Variants in PTPRT observed in about 807,000 individuals in gnomAD.
PTPRT encodes protein tyrosine phosphatase receptor type T, also known as receptor-type tyrosine-protein phosphatase T.
Under a neutral mutation model 176.8 loss-of-function variants are expected in PTPRT, and 56 were observed. The ratio of observed to expected loss-of-function variants is 0.32; its 90% CI spans 0.26 to 0.40. The LOEUF is 0.40. Ranked by LOEUF, PTPRT falls within the 10% of genes least tolerant of loss-of-function variation. The pLI is 1.00. For synonymous variants in PTPRT, 783 were observed against 739.0 expected (o/e 1.06, Z -0.96); for missense variants, 1,540 against 1,908.2 (o/e 0.81, Z 3.60).
intron 11 of PTPRT, among the ~76,000 whole-genome samples, chr20:42,342,224 G>A (rs1415436843): frequency 6.6e-6 from 1 of 152,110 alleles, no homozygotes; most frequent in Non-Finnish European, 1.5e-5. Context: ...GTAGACTGTG[G>A]GACAACCTCA....
At chr20:42,666,303 T>G (rs2075315814) in intron 7 of PTPRT, among the ~76,000 whole-genome samples, 1 of 152,174 alleles carries the variant, frequency 6.6e-6, no homozygotes, top group African/African-American at 2.4e-5. Context: ...GATATTTGAA[T>G]GCCTATTTAT....
chr20:42,813,296 CCT>C (rs1406347951), intron 2 of PTPRT, among the ~76,000 whole-genome samples: 1 of 152,006 alleles, frequency 6.6e-6, no homozygotes, highest in African/African-American at 2.4e-5. Flanking sequence ...GAATAATTTA[CCT>C]CTGTTTCTGA....
chr20:43,053,735 G>T lies in PTPRT; in HGVS notation c.88+135911C>A, dbSNP rs534218402. ...CTGGCGATTGCTCTCCACAGTGTTTGAGGACTGTTTAATTAACTACTGCTA... is the reference window on the plus strand; with the variant it reads ...CTGGCGATTGCTCTCCACAGTGTTTTAGGACTGTTTAATTAACTACTGCTA... On this transcript the variant is annotated intron_variant, in intron 1 of 30. Transcript: ENST00000373187. Among the ~76,000 whole-genome samples, 9 of 152,256 alleles carry T rather than the reference G, an allele frequency of 5.9e-5. No individual in the cohort carries two copies. The South Asian group carries it at 1.9e-3, about 32-fold the overall frequency.
Position 42,756,548 on chromosome 20 carries a change from G to C in PTPRT, c.773C>G (p.Ala258Gly), listed in dbSNP as rs1417977676. ...GCGGTACTTGCTGACGCTCCGCTGG[G>C]CAGTGTCTGCCACACTGACTGTGGC... ...FSATVSVADT[A>G]QRSVSKYRCV... is the part of the protein sequence containing the mutation. The change falls in exon 6 of 31, where the codon GCC becomes GGC. Residue 258 changes from alanine to glycine, a missense_variant. Physicochemically the swap from Ala to Gly is moderately conservative, Grantham distance 60. Transcript: ENST00000373187. 6.2e-7 allele frequency: 1 copy of C among 1,613,024 alleles called. No individual in the cohort carries two copies. Among genetic ancestry groups the C allele is most frequent in the Non-Finnish European group, 8.5e-7 (1 of 1,179,324 alleles).
intron 1 of PTPRT, among the ~76,000 whole-genome samples, chr20:42,981,156 T>G (rs1440520791): frequency 6.6e-6 from 1 of 152,228 alleles, no homozygotes; most frequent in Non-Finnish European, 1.5e-5. Context: ...AATAATATCT[T>G]CCTTGCCTGA....
chr20:42,873,073 T>TA (rs1465131511), intron 2 of PTPRT, among the ~76,000 whole-genome samples: 2 of 152,172 alleles, frequency 1.3e-5, no homozygotes, highest in East Asian at 1.9e-4. Flanking sequence ...TCTACATATT[T>TA]AAAATCACAT....
At chr20:43,083,753 A>G (rs1600700380) in intron 1 of PTPRT, among the ~76,000 whole-genome samples, 1 of 152,054 alleles carries the variant, frequency 6.6e-6, no homozygotes, top group East Asian at 1.9e-4. Flanking sequence ...ATCACTCCAA[A>G]AAGATCCTTC....
At chr20:42,840,656 G>A (rs933078722) in intron 2 of PTPRT, among the ~76,000 whole-genome samples, 4 of 152,054 alleles carry the variant, frequency 2.6e-5, no homozygotes, top group Admixed American at 6.6e-5. Context: ...CAAGTGATCT[G>A]CCCATCTTGG....
chr20:43,035,068 T>C (rs1297568640), intron 1 of PTPRT, among the ~76,000 whole-genome samples: 1 of 152,028 alleles, frequency 6.6e-6, no homozygotes, highest in Non-Finnish European at 1.5e-5. Context: ...CAAAGGAAAA[T>C]ACAGCACTAC....
chr20:42,249,170 A>G (rs2056507270), intron 13 of PTPRT, among the ~76,000 whole-genome samples: 1 of 152,196 alleles, frequency 6.6e-6, no homozygotes, highest in African/African-American at 2.4e-5. Flanking sequence ...GGATCAAACC[A>G]TGGAACACTG....
chr20:42,362,412 A>C (rs180808808), intron 9 of PTPRT, among the ~76,000 whole-genome samples: 1 of 152,032 alleles, frequency 6.6e-6, no homozygotes, highest in Admixed American at 6.6e-5. Flanking sequence ...ATCAGAAAGA[A>C]AAAAAAAACT....
chr20:42,243,801 C>A (rs2056400951), intron 14 of PTPRT, among the ~76,000 whole-genome samples: 1 of 152,186 alleles, frequency 6.6e-6, no homozygotes, highest in Non-Finnish European at 1.5e-5. Context: ...CTCACGTGAT[C>A]TTTTCGAACT....
chr20:42,962,628 A>G (rs1473749028), intron 1 of PTPRT, among the ~76,000 whole-genome samples: 2 of 152,230 alleles, frequency 1.3e-5, no homozygotes, highest in African/African-American at 4.8e-5. Context: ...GAAAACGCTA[A>G]TGATTAAATA....
At chr20:42,904,907 A>C (rs575258345) in intron 1 of PTPRT, among the ~76,000 whole-genome samples, 1 of 152,348 alleles carries the variant, frequency 6.6e-6, no homozygotes, top group East Asian at 1.9e-4. Flanking sequence ...ATCTTATACA[A>C]AAATTAATTC....
intron 17 of PTPRT, among the ~76,000 whole-genome samples, chr20:42,147,017 C>A (rs956580602): frequency 2.0e-5 from 3 of 152,182 alleles, no homozygotes; most frequent in Non-Finnish European, 4.4e-5. Flanking sequence ...TCTCCCTCAC[C>A]CCACTGCATC....
At chr20:42,654,842 T>A (rs1366406104) in intron 7 of PTPRT, among the ~76,000 whole-genome samples, 2 of 152,222 alleles carry the variant, frequency 1.3e-5, no homozygotes, top group Admixed American at 6.5e-5. Flanking sequence ...CCTTGGAATA[T>A]CCTGTGGCTT....
intron 7 of PTPRT, among the ~76,000 whole-genome samples, chr20:42,660,459 C>T (rs1299172272): frequency 6.6e-6 from 1 of 152,106 alleles, no homozygotes; most frequent in Non-Finnish European, 1.5e-5. Flanking sequence ...TCCCTTTATA[C>T]CAAAGACCAA....
chr20:42,858,338 G>A (rs1177866184), intron 2 of PTPRT, among the ~76,000 whole-genome samples: 1 of 152,324 alleles, frequency 6.6e-6, no homozygotes, highest in Non-Finnish European at 1.5e-5. Context: ...ATTACCAAGA[G>A]GAGACAAGGG....
intron 1 of PTPRT, among the ~76,000 whole-genome samples, chr20:43,105,499 C>T (rs764534205): frequency 3.9e-5 from 6 of 152,244 alleles, no homozygotes; most frequent in Non-Finnish European, 7.3e-5. Flanking sequence ...CTCCTGGGTT[C>T]GAGTGTTTCT....
Sources: gnomAD v4.1 joint callset for allele counts (sites outside exome capture counted in the v4.1 genomes callset) on GRCh38, gnomAD v4.1.1 for gene constraint, MANE v1.5 for transcripts, NCBI Gene and HGNC (gene_info 2026-07-23, HGNC 2026-07-21) for gene names.